The following EFL1 variants were observed in gnomAD, a reference collection of about 807,000 sequenced individuals.
EFL1 encodes elongation factor like GTPase 1.
In EFL1, 76 loss-of-function variants were observed where a neutral mutation model predicts 126.7. That is an observed-to-expected ratio of 0.60 (90% confidence interval 0.50 to 0.73). EFL1 has a LOEUF of 0.73. Among genes scored for constraint, EFL1 ranks in the 30% least tolerant of loss-of-function variants. EFL1 has a pLI of 0.00. For missense variants in EFL1, 1,128 were observed against 1,343.2 expected, an observed-to-expected ratio of 0.84 and a Z score of 2.50; for synonymous variants, 410 against 448.4, an observed-to-expected ratio of 0.91 and a Z score of 1.08.
At chr15:82,251,226 A>C (rs2141337844) in intron 4 of EFL1, among the ~76,000 whole-genome samples, 1 of 152,244 alleles carries the variant, frequency 6.6e-6, no homozygotes, top group Admixed American at 6.5e-5. Flanking sequence ...AATAAAAAAG[A>C]AAGCGTACCT....
intron 7 of EFL1, among the ~76,000 whole-genome samples, chr15:82,232,205 T>C (rs760397869): frequency 7.9e-5 from 12 of 152,150 alleles, no homozygotes; most frequent in Non-Finnish European, 1.8e-4. Flanking sequence ...GCCCTATTTG[T>C]TAGTAGTGAT....
chr15:82,149,449 G>C (rs149724961), intron 18 of EFL1, among the ~76,000 whole-genome samples: 1 of 152,142 alleles, frequency 6.6e-6, no homozygotes, highest in Non-Finnish European at 1.5e-5. Flanking sequence ...GAATTAATGA[G>C]AAGACGTAAT....
At chr15:82,227,841 T>C (rs1479829835) in intron 10 of EFL1, among the ~76,000 whole-genome samples, 3 of 152,216 alleles carry the variant, frequency 2.0e-5, no homozygotes, top group African/African-American at 4.8e-5. Context: ...GCTTAGCAGG[T>C]TGGCTACAGG....
chr15:82,190,973 C>T (rs2074353436), intron 15 of EFL1, among the ~76,000 whole-genome samples: 1 of 151,928 alleles, frequency 6.6e-6, no homozygotes, highest in Non-Finnish European at 1.5e-5. Context: ...ATTTTATTCT[C>T]CAACTTTCCT....
At chr15:82,228,354 G>C in intron 9 of EFL1, 27 bp from the exon 10 acceptor site, 1 of 1,608,084 alleles carries the variant, frequency 6.2e-7, no homozygotes, top group East Asian at 2.2e-5. Flanking sequence ...ATTGGAGAGG[G>C]GAAATGTCAT....
At chr15:82,198,390 C>T (rs944110149) in intron 15 of EFL1, among the ~76,000 whole-genome samples, 4 of 152,116 alleles carry the variant, frequency 2.6e-5, no homozygotes, top group African/African-American at 9.7e-5. Flanking sequence ...GGACCTCTCC[C>T]GAGGCACAGC....
chr15:82,170,610 G>C (rs1480597890), intron 15 of EFL1, among the ~76,000 whole-genome samples: 2 of 152,332 alleles, frequency 1.3e-5, no homozygotes, highest in Non-Finnish European at 2.9e-5. Context: ...TGGAAGTAGT[G>C]GCAGTGGTGG....
At chr15:82,136,049 C>T (rs1331991155) in intron 19 of EFL1, among the ~76,000 whole-genome samples, 1 of 151,986 alleles carries the variant, frequency 6.6e-6, no homozygotes, top group East Asian at 1.9e-4. Context: ...GCAGTCTTAC[C>T]TGCTTCCTAA....
At chr15:82,153,841 T>G (rs896062995) in intron 17 of EFL1, among the ~76,000 whole-genome samples, 1 of 152,162 alleles carries the variant, frequency 6.6e-6, no homozygotes, top group Non-Finnish European at 1.5e-5. Context: ...TCAATAAGAT[T>G]CAATACCTAT....
chr15:82,180,063 G>C (rs2074233884), intron 15 of EFL1, among the ~76,000 whole-genome samples: 1 of 152,148 alleles, frequency 6.6e-6, no homozygotes, highest in East Asian at 1.9e-4. Context: ...CTGTGAGAGA[G>C]TACTAACTCT....
At chr15:82,228,681 A>G (rs1364439830) in intron 9 of EFL1, among the ~76,000 whole-genome samples, 1 of 152,216 alleles carries the variant, frequency 6.6e-6, no homozygotes, top group Non-Finnish European at 1.5e-5. Flanking sequence ...CAGAAAAGTT[A>G]TTTCTCAACT....
In EFL1 at chr15:82,130,459, C is replaced by T. The variant is rs765023138; in HGVS notation, c.3277G>A (p.Ala1093Thr). The T allele has an allele frequency of 1.2e-5, 19 of 1,614,186 alleles. No homozygotes were observed. The highest frequency in any genetic ancestry group is 1.4e-5 in the Non-Finnish European group (17 of 1,180,028). ...SENQARKYMNAVRKRKGLYVE... is the reference protein window; with the variant it reads ...SENQARKYMNTVRKRKGLYVE... ...TAAAGCCCCTTCCGCTTTCGTACTGCGTTCATGTACTTCCGGGCTTGGTTC... is the reference window on the plus strand; with the variant it reads ...TAAAGCCCCTTCCGCTTTCGTACTGTGTTCATGTACTTCCGGGCTTGGTTC... The change falls in exon 20 of 20, where the codon GCA becomes ACA. Residue 1093 changes from alanine (A) to threonine (T), a missense_variant. Ala to Thr is a moderately conservative substitution (Grantham distance 58, BLOSUM62 0). Transcript: ENST00000268206.
chr15:82,195,430 T>A (rs748504479), intron 15 of EFL1, among the ~76,000 whole-genome samples: 4 of 152,222 alleles, frequency 2.6e-5, no homozygotes, highest in Non-Finnish European at 5.9e-5. Context: ...CCAACCTCGT[T>A]GCCTACTCTA....
At chr15:82,231,069 T>A in intron 7 of EFL1, 98 bp from the exon 8 acceptor site, 1 of 1,364,212 alleles carries the variant, frequency 7.3e-7, no homozygotes, top group Non-Finnish European at 9.9e-7. Context: ...TTACTAAACT[T>A]AATCCAGTAT....
chr15:82,133,197 G>A (rs2073678384), intron 19 of EFL1, among the ~76,000 whole-genome samples: 1 of 152,206 alleles, frequency 6.6e-6, no homozygotes, highest in South Asian at 2.1e-4. Flanking sequence ...ATACAGAGCA[G>A]AAGAAAGGGA....
chr15:82,196,890 G>A (rs556862967), intron 15 of EFL1, among the ~76,000 whole-genome samples: 1 of 152,034 alleles, frequency 6.6e-6, no homozygotes, highest in Non-Finnish European at 1.5e-5. Flanking sequence ...AAATTAGCCG[G>A]GCATGGTGGT....
At chr15:82,237,187 G>A (rs2074881945) in intron 7 of EFL1, among the ~76,000 whole-genome samples, 1 of 151,978 alleles carries the variant, frequency 6.6e-6, no homozygotes, top group African/African-American at 2.4e-5. Context: ...AAAAATAAAC[G>A]TTGCTCATTT....
chr15:82,137,859 C>T lies in EFL1; in HGVS notation c.3174+799G>A, dbSNP rs1182615835. 2.0e-5 allele frequency among the ~76,000 whole-genome samples: 3 copies of T among 152,184 alleles called. 1 individual carries two copies. Among genetic ancestry groups the T allele is most frequent in the Non-Finnish European group, 4.4e-5 (3 of 68,024 alleles). ...TTTACCAGCCTTTTCTCATGCGGCA[C>T]CTTCTGATTGAGTGTCCTTCTTCTT... On this transcript the variant is annotated intron_variant, in intron 19 of 19. Coordinates refer to ENST00000268206, the MANE Select transcript of EFL1 (RefSeq NM_024580.6).
intron 12 of EFL1, 117 bp from the exon 13 acceptor site, chr15:82,220,346 G>C (rs896597479): frequency 5.4e-6 from 7 of 1,291,068 alleles, no homozygotes; most frequent in Admixed American, 4.9e-5. Flanking sequence ...AGGCAATTTT[G>C]TCCAAGTCCT....
Sources: allele counts gnomAD v4.1 joint callset (sites outside exome capture counted in the v4.1 genomes callset), GRCh38; gene constraint gnomAD v4.1.1; transcripts MANE v1.5; gene names NCBI Gene and HGNC (gene_info 2026-07-23, HGNC 2026-07-21).